Variants in ELN observed in about 807,000 individuals in gnomAD.
ELN encodes tropoelastin.
ELN carries 65 observed loss-of-function variants against 105.8 expected under a neutral mutation model. The ratio of observed to expected loss-of-function variants is 0.61; its 90% CI spans 0.50 to 0.75. The LOEUF is 0.75. Ranked by LOEUF, ELN falls within the 30% of genes least tolerant of loss-of-function variation. The probability of loss-of-function intolerance (pLI) is 0.00; values close to 1 mark genes in which losing one functional copy is unlikely to be tolerated. For synonymous variants in ELN, 368 were observed against 389.2 expected, an observed-to-expected ratio of 0.95 and a Z score of 0.64; for missense variants, 882 against 969.4, an observed-to-expected ratio of 0.91 and a Z score of 1.20.
At chr7:74,052,190 C>A (rs1488970207) in intron 17 of ELN, 2 of 625,082 alleles carry the variant, frequency 3.2e-6, no homozygotes, top group Non-Finnish European at 5.6e-6. Flanking sequence ...GGGAGGGGAC[C>A]CTGCAGAGGG....
rs1239601146 is a variant in ELN, at chr7:74,063,318, CCCGCCGCCG to C, written c.1872_1880del (p.Ala628_Ala630del). 1 of 1,550,638 alleles carries C rather than the reference CCCGCCGCCG, an allele frequency of 6.4e-7. No individual in the cohort carries two copies. ...TCGGTCTGTGTTCCCAGGAGCCGGA[CCCGCCGCCG>C]CCGCTGCCGCAGCCAAAGCTGCTGC... On this transcript the variant is annotated inframe_deletion, in exon 28 of 33. Coordinates refer to ENST00000252034, the MANE Select transcript of ELN (RefSeq NM_000501.4). This position sits in a 1 kb window ranked among gnomAD's most constrained non-coding sequence, Gnocchi z 4.1.
At chr7:74,036,320 C>T (rs1789943945) in intron 2 of ELN, among the ~76,000 whole-genome samples, 2 of 151,682 alleles carry the variant, frequency 1.3e-5, no homozygotes, top group African/African-American at 2.4e-5. Context: ...TTAAAAAAAG[C>T]ATTTGAGTGT....
chr7:74,033,123 G>A (rs1554663440), intron 1 of ELN, among the ~76,000 whole-genome samples: 1 of 152,208 alleles, frequency 6.6e-6, no homozygotes, highest in East Asian at 1.9e-4. Flanking sequence ...TCTGCCCCAT[G>A]TCACAAAAAA....
intron 5 of ELN, 44 bp downstream of exon 5, chr7:74,041,295 C>T (rs879985013): frequency 1.2e-6 from 2 of 1,612,574 alleles, no homozygotes; most frequent in Non-Finnish European, 1.7e-6. Flanking sequence ...TGGGGACCAG[C>T]CCCTGAGCTC....
intron 4 of ELN, among the ~76,000 whole-genome samples, chr7:74,038,647 G>A (rs1420784947): frequency 3.3e-5 from 5 of 152,204 alleles, no homozygotes; most frequent in African/African-American, 1.2e-4. Context: ...ATGGTCCCTC[G>A]GCATGAGACG....
At chr7:74,032,240 A>C (rs1226449903) in intron 1 of ELN, among the ~76,000 whole-genome samples, 1 of 152,200 alleles carries the variant, frequency 6.6e-6, no homozygotes, top group Non-Finnish European at 1.5e-5. Flanking sequence ...AAACAAGACA[A>C]GTGTTCTCCA....
At chr7:74,057,600 TGA>T (rs782534987) in intron 21 of ELN, 38 bp from the exon 22 acceptor site, 2 of 1,609,460 alleles carry the variant, frequency 1.2e-6, no homozygotes, top group Admixed American at 3.3e-5. Flanking sequence ...GGGAGGGGTG[TGA>T]GAGATTACTC....
In ELN at chr7:74,068,660, G is replaced by C; in HGVS notation, c.2135G>C (p.Gly712Ala). Residue 712 changes from glycine (G) to alanine (A), a missense_variant, in exon 33 of 33, where the codon GGG becomes GCG. Transcript: ENST00000252034. Reference sequence around the variant, plus strand: ...ATGTGCACCTCCTCCCGTCCAGGTGGGGCCTGCCTGGGGAAAGCTTGTGGC... The same window carrying C: ...ATGTGCACCTCCTCCCGTCCAGGTGCGGCCTGCCTGGGGAAAGCTTGTGGC... ...GFGLSPIFPGGACLGKACGRK... is the reference protein window; with the variant it reads ...GFGLSPIFPGAACLGKACGRK... 6.2e-7 allele frequency: 1 copy of C among 1,614,140 alleles called. No homozygotes were observed. The highest frequency in any genetic ancestry group is 1.1e-5 in the South Asian group (1 of 91,090).
intron 1 of ELN, among the ~76,000 whole-genome samples, chr7:74,034,289 G>T (rs1400026811): frequency 2.6e-5 from 4 of 151,690 alleles, no homozygotes; most frequent in African/African-American, 9.7e-5. Flanking sequence ...CCAAAGCTCT[G>T]GCCTCTACCC....
At chr7:74,037,117 G>T (rs979228263) in intron 3 of ELN, among the ~76,000 whole-genome samples, 1 of 144,666 alleles carries the variant, frequency 6.9e-6, no homozygotes, top group Non-Finnish European at 1.5e-5. Context: ...CACCTTGCCC[G>T]GCCCCTTGCC....
At chr7:74,059,606 C>G (rs1285075444) in intron 22 of ELN, 2 of 545,122 alleles carry the variant, frequency 3.7e-6, no homozygotes, top group African/African-American at 3.8e-5. Flanking sequence ...CTCACTTGAA[C>G]TCGGGAGGTG....
At chr7:74,053,666 G>A (rs1554677779) in intron 18 of ELN, among the ~76,000 whole-genome samples, 1 of 152,120 alleles carries the variant, frequency 6.6e-6, no homozygotes, top group African/African-American at 2.4e-5. Context: ...ATGAATGGGT[G>A]GGTGGATGAA....
chr7:74,057,615 T>C, intron 21 of ELN, 25 bp from the exon 22 acceptor site: 1 of 1,612,786 alleles, frequency 6.2e-7, no homozygotes, highest in South Asian at 1.1e-5. Flanking sequence ...GATTACTCTC[T>C]CACCCCTTCT....
intron 4 of ELN, among the ~76,000 whole-genome samples, chr7:74,038,348 C>A (rs558182670): frequency 1.3e-5 from 2 of 152,364 alleles, no homozygotes; most frequent in East Asian, 3.9e-4. Context: ...CCAATCCTGG[C>A]CTTAGGCCAA....
At chr7:74,031,860 A>AGAAGGGAG (rs1554662456) in intron 1 of ELN, among the ~76,000 whole-genome samples, 1 of 107,126 alleles carries the variant, frequency 9.3e-6, no homozygotes, top group Non-Finnish European at 1.9e-5. Context: ...AAGGAAGGAA[A>AGAAGGGAG]GAAGGAAGGA....
intron 14 of ELN, 114 bp from the exon 15 acceptor site, chr7:74,048,389 T>C (rs73705338): frequency 1.9e-6 from 3 of 1,543,292 alleles, no homozygotes; most frequent in Non-Finnish European, 1.8e-6. Flanking sequence ...ACTCTGAAGC[T>C]CCCATGTATA....
chr7:74,029,006 T>C (rs1456762552), intron 1 of ELN, among the ~76,000 whole-genome samples: 2 of 152,162 alleles, frequency 1.3e-5, no homozygotes, highest in Admixed American at 6.5e-5. Flanking sequence ...GGGGTACATA[T>C]GTCTGCTCAC....
intron 19 of ELN, among the ~76,000 whole-genome samples, chr7:74,055,328 C>A (rs1795004217): frequency 6.6e-6 from 1 of 151,868 alleles, no homozygotes; most frequent in African/African-American, 2.4e-5. Flanking sequence ...TTTGTTCCAG[C>A]TACTTGGGAG....
intron 2 of ELN, chr7:74,035,707 C>T (rs1424575120): frequency 1.6e-5 from 5 of 306,486 alleles, no homozygotes; most frequent in East Asian, 7.1e-5. Flanking sequence ...CCCCTCTCTA[C>T]ACACACACAC....
Sources: gnomAD v4.1 joint callset for allele counts (sites outside exome capture counted in the v4.1 genomes callset) on GRCh38, gnomAD v4.1.1 for gene constraint, Gnocchi (gnomAD v3.1) non-coding constraint, MANE v1.5 for transcripts, NCBI Gene and HGNC (gene_info 2026-07-23, HGNC 2026-07-21) for gene names.